Variants in C18orf63 observed in about 807,000 individuals in gnomAD.
C18orf63 encodes the protein uncharacterized protein C18orf63.
Under a neutral mutation model 75.3 loss-of-function variants are expected in C18orf63, and 50 were observed. The ratio of observed to expected loss-of-function variants is 0.66; its 90% CI spans 0.53 to 0.84. The LOEUF is 0.84. Among genes scored for constraint, C18orf63 ranks in the 40% least tolerant of loss-of-function variants. The pLI is 0.00. For synonymous variants in C18orf63, 232 were observed against 267.6 expected (o/e 0.87, Z 1.30); for missense variants, 732 against 800.2 (o/e 0.91, Z 1.03).
rs1984238970 is a variant in C18orf63 at position 74,328,077 on chromosome 18, T to C, written c.382+19T>C. The C allele has an allele frequency of 2.2e-6, 3 of 1,370,132 alleles. No homozygotes were observed. 84.9% of individuals were successfully genotyped at this position (1,370,132 alleles called of 1,614,324 possible). A position where few individuals can be genotyped will look rare whatever the true frequency, so the allele number is the denominator to read the frequency against. ...ATACAAGGTAACTTTATCTTTTTAG[T>C]CATTGGGGCTTTCTGAACTAGATTA... On this transcript the variant is annotated intron_variant, in intron 5 of 13. Coordinates refer to ENST00000579455, the MANE Select transcript of C18orf63 (RefSeq NM_001174123.2).
At position 74,328,032 on chromosome 18, in the gene C18orf63, A is replaced by G; in HGVS notation, c.356A>G (p.Asn119Ser). 6.5e-7 allele frequency: 1 copy of G among 1,533,276 alleles called. No homozygotes were observed. 95.0% of individuals were successfully genotyped at this position (1,533,276 alleles called of 1,614,324 possible). The change falls in exon 5 of 14, where the codon AAT becomes AGT. Residue 119 changes from asparagine to serine, a missense_variant. Asn to Ser is a conservative substitution (Grantham distance 46). Around this residue, in one of 3 missense-constraint regions of C18orf63, gnomAD observed 233 missense variants for 272.7 expected, o/e 0.85. Coordinates refer to ENST00000579455, the MANE Select transcript of C18orf63 (RefSeq NM_001174123.2). ...ATGGCTAGACTTGCTCCAGCCTGGAATAGAACTGGTCATCTCTTGATACAA... is the reference window on the plus strand; with the variant it reads ...ATGGCTAGACTTGCTCCAGCCTGGAGTAGAACTGGTCATCTCTTGATACAA... ...SFMARLAPAW[N>S]RTGHLLIQGR...
At chr18:74,355,245 T>C (rs1320329940) in intron 13 of C18orf63, among the ~76,000 whole-genome samples, 1 of 152,212 alleles carries the variant, frequency 6.6e-6, no homozygotes, top group Non-Finnish European at 1.5e-5. Flanking sequence ...TTCAGCCTGA[T>C]TTTAATTAAC....
intron 7 of C18orf63, among the ~76,000 whole-genome samples, chr18:74,333,644 A>C (rs913023614): frequency 6.6e-6 from 1 of 152,158 alleles, no homozygotes; most frequent in Admixed American, 6.5e-5. Flanking sequence ...CCATGAGTAA[A>C]TTACCTCCCA....
At chr18:74,340,400 T>C (rs1318994268) in intron 8 of C18orf63, among the ~76,000 whole-genome samples, 1 of 152,222 alleles carries the variant, frequency 6.6e-6, no homozygotes, top group East Asian at 1.9e-4. Context: ...TTGGACACTG[T>C]TGATGAGAAT....
At chr18:74,352,117 A>G (rs56341888) in intron 11 of C18orf63, among the ~76,000 whole-genome samples, 20 of 152,324 alleles carry the variant, frequency 1.3e-4, no homozygotes, top group African/African-American at 4.6e-4. Context: ...CCCTGAAAAC[A>G]TTATGCTAAA....
chr18:74,330,529 TC>T (rs1984286971), intron 6 of C18orf63, among the ~76,000 whole-genome samples: 2 of 152,150 alleles, frequency 1.3e-5, no homozygotes, highest in African/African-American at 2.4e-5. Context: ...GAGGACAATC[TC>T]CATATTTATA....
Position 74,342,074 on chromosome 18 carries a change from C to G in C18orf63, c.654C>G (p.Pro218=). 1 of 1,529,014 alleles carries G rather than the reference C, an allele frequency of 6.5e-7. No homozygotes were observed. Among genetic ancestry groups the G allele is most frequent in the South Asian group, 1.2e-5 (1 of 83,486 alleles). The allele number at this position is 1,529,014 out of a possible 1,614,324, so 94.7% of individuals were successfully genotyped here. ...GQIINIFHAI[P]AACPFHSYGD... ...TTATAAATATTTTTCATGCCATCCC[C>G]GCTGCCTGTCCTTTTCACTCATATG... The change falls in exon 9 of 14, where the codon CCC becomes CCG. Residue 218 remains proline, a synonymous_variant. Coordinates refer to ENST00000579455, the MANE Select transcript of C18orf63 (RefSeq NM_001174123.2).
At chr18:74,338,436 A>G (rs899931708) in intron 7 of C18orf63, among the ~76,000 whole-genome samples, 4 of 151,978 alleles carry the variant, frequency 2.6e-5, no homozygotes, top group African/African-American at 9.7e-5. Flanking sequence ...TAATTAAAAA[A>G]ACCACCTGAA....
Position 74,317,945 on chromosome 18 carries a change from T to G in C18orf63, c.80T>G (p.Leu27Arg). ...LNKLCAVRII[L>R]SNKVADTEIR... Reference sequence around the variant, plus strand: ...AAACTCTGTGCTGTCAGAATAATACTGAGTAATAAGGTGGCAGATACTGAG... The same window carrying G: ...AAACTCTGTGCTGTCAGAATAATACGGAGTAATAAGGTGGCAGATACTGAG... The change falls in exon 2 of 14, where the codon CTG becomes CGG. Residue 27 changes from leucine to arginine, a missense_variant. This residue lies in a region of C18orf63 where 233 missense variants were observed against 272.7 expected (regional missense o/e 0.85). Transcript: ENST00000579455. 1 of 1,532,738 alleles carries G rather than the reference T, an allele frequency of 6.5e-7. No individual in the cohort carries two copies. The highest frequency in any genetic ancestry group is 8.7e-7 in the Non-Finnish European group (1 of 1,144,370). The allele number at this position is 1,532,738 out of a possible 1,614,324, so 94.9% of individuals were successfully genotyped here.
chr18:74,316,183 C>G (rs920642297), intron 1 of C18orf63, 74 bp downstream of exon 1: 33 of 152,120 alleles, frequency 2.2e-4, no homozygotes, highest in African/African-American at 8.0e-4. Context: ...GGGCAGGATC[C>G]CGGTGCCGGC....
Position 74,342,278 on chromosome 18 carries a change from A to T in C18orf63, c.746A>T (p.Lys249Ile). The change falls in exon 10 of 14, where the codon AAA (lysine) becomes ATA (isoleucine). Residue 249 changes from lysine to isoleucine, a missense_variant. Lys to Ile is a moderately radical substitution (Grantham distance 102). Around this residue, in one of 3 missense-constraint regions of C18orf63, gnomAD observed 495 missense variants for 508.7 expected, o/e 0.97. Coordinates refer to ENST00000579455, the MANE Select transcript of C18orf63 (RefSeq NM_001174123.2). ...CTTCCAGGTGATTGTGGAAAAATTA[A>T]AATATACTGCAACATCTATTTCAAA... ...YKLPGDCGKI[K>I]IYCNIYFKML... is the part of the protein sequence containing the mutation. The T allele has an allele frequency of 6.5e-7, 1 of 1,533,824 alleles. No homozygotes were observed. Among genetic ancestry groups the T allele is most frequent in the African/African-American group, 1.4e-5 (1 of 73,132 alleles).
chr18:74,328,061 A>G lies in C18orf63; in HGVS notation c.382+3A>G. On this transcript the variant is annotated splice_donor_region_variant and intron_variant, in intron 5 of 13. Transcript: ENST00000579455. ...AACTGGTCATCTCTTGATACAAGGT[A>G]ACTTTATCTTTTTAGTCATTGGGGC... 6.7e-7 allele frequency: 1 copy of G among 1,501,834 alleles called. No individual in the cohort carries two copies. Among genetic ancestry groups the G allele is most frequent in the Non-Finnish European group, 9.0e-7 (1 of 1,115,750 alleles). The allele number at this position is 1,501,834 out of a possible 1,614,324, so 93.0% of individuals were successfully genotyped here.
chr18:74,345,526 T>C (rs1330285473), intron 11 of C18orf63, among the ~76,000 whole-genome samples: 1 of 152,162 alleles, frequency 6.6e-6, no homozygotes, highest in Non-Finnish European at 1.5e-5. Context: ...CACATTTAGA[T>C]CTGCAATGCA....
At chr18:74,332,668 C>G (rs995861771) in intron 7 of C18orf63, among the ~76,000 whole-genome samples, 1 of 151,450 alleles carries the variant, frequency 6.6e-6, no homozygotes, top group African/African-American at 2.4e-5. Flanking sequence ...AAGATCATGC[C>G]ACTGCACTCC....
intron 10 of C18orf63, among the ~76,000 whole-genome samples, chr18:74,342,665 G>A (rs1984508509): frequency 6.6e-6 from 1 of 152,090 alleles, no homozygotes; most frequent in African/African-American, 2.4e-5. Flanking sequence ...ACAATTGAAA[G>A]GGTTGAATTA....
intron 3 of C18orf63, among the ~76,000 whole-genome samples, chr18:74,321,557 G>A (rs925278843): frequency 7.2e-5 from 11 of 151,904 alleles, no homozygotes; most frequent in Non-Finnish European, 1.0e-4. Flanking sequence ...CTCCCACCTC[G>A]ACCTCTCCAA....
Position 74,358,922 on chromosome 18 carries a change from G to T in C18orf63, c.*2475G>T, listed in dbSNP as rs1407614112. On this transcript the variant is annotated 3_prime_UTR_variant, in exon 14 of 14. Transcript: ENST00000579455. ...CATTTGTTGCTTATTGTAGTAAAAA[G>T]GTAAAAAAAAAATGAACTTGTTAAT... 9.4e-6 allele frequency: 1 copy of T among 106,846 alleles called. No individual in the cohort carries two copies. Among genetic ancestry groups the T allele is most frequent in the Non-Finnish European group, 2.3e-5 (1 of 44,378 alleles). The allele number at this position is 106,846 out of a possible 1,614,324, so 6.6% of individuals were successfully genotyped here.
chr18:74,347,174 G>A (rs1248206268), intron 11 of C18orf63, among the ~76,000 whole-genome samples: 1 of 152,142 alleles, frequency 6.6e-6, no homozygotes, highest in African/African-American at 2.4e-5. Context: ...GGCTAGCGGT[G>A]GTAATGATAA....
chr18:74,353,628 G>A lies in C18orf63; in HGVS notation c.1361G>A (p.Gly454Asp), dbSNP rs1369639314. 2 of 1,536,096 alleles carry A rather than the reference G, an allele frequency of 1.3e-6. No individual in the cohort carries two copies. Among genetic ancestry groups the A allele is most frequent in the South Asian group, 1.2e-5 (1 of 84,044 alleles). Reference sequence around the variant, plus strand: ...ATGAACAAAAATACCTCAGTACTTGGCAGCCCAAAAAGAAAACAGCATGAT... The same window carrying A: ...ATGAACAAAAATACCTCAGTACTTGACAGCCCAAAAAGAAAACAGCATGAT... Reference protein sequence around the residue: ...LQMNKNTSVLGSPKRKQHDVT... With the variant: ...LQMNKNTSVLDSPKRKQHDVT... Residue 454 changes from glycine (G) to aspartate (D), a missense_variant, in exon 12 of 14, where the codon GGC (glycine) becomes GAC (aspartate). Coordinates refer to ENST00000579455, the MANE Select transcript of C18orf63 (RefSeq NM_001174123.2).
Sources: allele counts gnomAD v4.1 joint callset (sites outside exome capture counted in the v4.1 genomes callset), GRCh38; gene constraint gnomAD v4.1.1; regional missense constraint gnomAD v4.1.1; transcripts MANE v1.5; gene names NCBI Gene and HGNC (gene_info 2026-07-23, HGNC 2026-07-21).